The following CDH9 variants were observed in gnomAD, a reference collection of about 807,000 sequenced individuals.
The protein encoded by CDH9 is cadherin-9.
CDH9 carries 28 observed loss-of-function variants against 70.9 expected under a neutral mutation model. The observed-to-expected ratio is 0.40, with a 90% CI of 0.29 to 0.54. The LOEUF (loss-of-function observed/expected upper bound fraction) is 0.54. CDH9 is among the 20% of genes least tolerant of loss of function. The pLI is 0.59. For missense variants in CDH9, 874 were observed against 984.4 expected (o/e 0.89, Z 1.50); for synonymous variants, 409 against 343.1 (o/e 1.19, Z -2.12).
chr5:26,986,034 G>C (rs1015139402), intron 2 of CDH9, among the ~76,000 whole-genome samples: 3 of 151,444 alleles, frequency 2.0e-5, no homozygotes, highest in African/African-American at 7.3e-5. Context: ...CTAGCTATGT[G>C]GTAATGGAAT....
rs560715742 is a variant in CDH9 at position 26,920,430 on chromosome 5, C to G, written c.229-4506G>C. Among the ~76,000 whole-genome samples the G allele has an allele frequency of 3.3e-5, 5 of 151,998 alleles. No individual in the cohort carries two copies. The South Asian group carries it at 1.0e-3, about 32-fold the overall frequency. On this transcript the variant is annotated intron_variant, in intron 2 of 11. Coordinates refer to ENST00000231021, the MANE Select transcript of CDH9 (RefSeq NM_016279.4). ...TGGCATCTCTGGACCCACCTAGGAC[C>G]AGGGGAAACTCACTGCCCTGAAAGG...
intron 6 of CDH9, 75 bp downstream of exon 6, chr5:26,903,562 T>A (rs1234366437): frequency 2.1e-5 from 20 of 956,204 alleles, no homozygotes; most frequent in African/African-American, 1.3e-4. Flanking sequence ...AATCCCAGGC[T>A]TTTTTTCCCT....
At chr5:26,941,061 A>G (rs1228474171) in intron 2 of CDH9, among the ~76,000 whole-genome samples, 1 of 152,206 alleles carries the variant, frequency 6.6e-6, no homozygotes, top group East Asian at 1.9e-4. Context: ...TCTTCCACCA[A>G]CTCACATAAA....
chr5:26,934,769 A>G (rs1741529519), intron 2 of CDH9, among the ~76,000 whole-genome samples: 1 of 152,182 alleles, frequency 6.6e-6, no homozygotes, highest in Non-Finnish European at 1.5e-5. Context: ...ATATCCTTAA[A>G]AAAGTGAAAG....
Position 27,024,235 on chromosome 5 carries a change from C to A in CDH9, c.-50+14228G>T, listed in dbSNP as rs1167261567. 4.0e-5 allele frequency among the ~76,000 whole-genome samples: 6 copies of A among 151,732 alleles called. No individual in the cohort carries two copies. The East Asian group carries it at 1.2e-3, about 29-fold the overall frequency. ...ACTCTCATAAATAGAGATTTTTATTCTCTGTGCCCTTGGAAAGTATGACTG... is the reference window on the plus strand; with the variant it reads ...ACTCTCATAAATAGAGATTTTTATTATCTGTGCCCTTGGAAAGTATGACTG... On this transcript the variant is annotated intron_variant, in intron 1 of 11. Coordinates refer to ENST00000231021, the MANE Select transcript of CDH9 (RefSeq NM_016279.4).
chr5:26,892,823 C>T (rs1740683514), intron 7 of CDH9, among the ~76,000 whole-genome samples: 1 of 152,134 alleles, frequency 6.6e-6, no homozygotes, highest in Non-Finnish European at 1.5e-5. Flanking sequence ...CTCCGCCTTC[C>T]AGGTTTCCGC....
intron 2 of CDH9, among the ~76,000 whole-genome samples, chr5:26,923,411 C>T (rs556294754): frequency 6.6e-6 from 1 of 151,952 alleles, no homozygotes; most frequent in South Asian, 2.1e-4. Flanking sequence ...CTTAGCACAC[C>T]TATATATACA....
chr5:27,001,106 T>C (rs1742759729), intron 1 of CDH9, among the ~76,000 whole-genome samples: 1 of 152,106 alleles, frequency 6.6e-6, no homozygotes, highest in Admixed American at 6.6e-5. Flanking sequence ...TGAACCTTAA[T>C]GTATACAAAT....
intron 1 of CDH9, among the ~76,000 whole-genome samples, chr5:26,994,982 C>T (rs1325714246): frequency 1.3e-5 from 2 of 152,108 alleles, no homozygotes; most frequent in African/African-American, 4.8e-5. Context: ...TAGCTTACCC[C>T]GTTTTAGTCT....
Position 26,961,238 on chromosome 5 carries a change from ATACT to A in CDH9, c.228+26864_228+26867del, listed in dbSNP as rs201712802. 7.9e-3 allele frequency among the ~76,000 whole-genome samples: 1,199 copies of A among 152,296 alleles called. 13 individuals carry two copies. Among genetic ancestry groups the A allele is most frequent in the Non-Finnish European group, 0.014 (927 of 68,006 alleles). ...AAATCAAGCTAATGAACATATGCAC[ATACT>A]TACCATTTTTTGTGAAGAAAACACT... is the stretch of plus-strand genomic sequence containing the variant. On this transcript the variant is annotated intron_variant, in intron 2 of 11. Coordinates refer to ENST00000231021, the MANE Select transcript of CDH9 (RefSeq NM_016279.4).
intron 1 of CDH9, among the ~76,000 whole-genome samples, chr5:27,037,831 A>G (rs1743420340): frequency 6.6e-6 from 1 of 152,028 alleles, no homozygotes; most frequent in African/African-American, 2.4e-5. Context: ...GTATACATTC[A>G]GAGTGTCGAC....
chr5:27,038,214 A>C (rs2112143271), intron 1 of CDH9, among the ~76,000 whole-genome samples: 1 of 152,108 alleles, frequency 6.6e-6, no homozygotes, highest in South Asian at 2.1e-4. Context: ...GGACTATAAA[A>C]AGAGCTTGAG....
At chr5:26,972,775 G>C (rs1742241792) in intron 2 of CDH9, among the ~76,000 whole-genome samples, 1 of 152,130 alleles carries the variant, frequency 6.6e-6, no homozygotes, top group Admixed American at 6.5e-5. Context: ...TTTAGTTGCA[G>C]ATTGTGGGTA....
At chr5:26,979,571 T>C (rs1390456863) in intron 2 of CDH9, among the ~76,000 whole-genome samples, 3 of 151,858 alleles carry the variant, frequency 2.0e-5, no homozygotes. Flanking sequence ...TTTAAGCCAA[T>C]TAAATGCCAA....
At position 26,991,012 on chromosome 5, in the gene CDH9, C is replaced by T. The variant is rs1279550988; in HGVS notation, c.-49-2630G>A. Among the ~76,000 whole-genome samples, 7 of 152,176 alleles carry T rather than the reference C, an allele frequency of 4.6e-5. No individual in the cohort carries two copies. In the East Asian group the frequency reaches 1.3e-3, roughly 29 times the overall value. ...TTTATAAACTACAGTAAGAAATTCT[C>T]ATTCATTTTCAGTGCGATTGAAAGC... On this transcript the variant is annotated intron_variant, in intron 1 of 11. Coordinates refer to ENST00000231021, the MANE Select transcript of CDH9 (RefSeq NM_016279.4).
At chr5:26,968,559 T>C (rs898594256) in intron 2 of CDH9, among the ~76,000 whole-genome samples, 28 of 152,198 alleles carry the variant, frequency 1.8e-4, no homozygotes, top group African/African-American at 5.8e-4. Flanking sequence ...GTTCTGAGGG[T>C]ACATTTTTAA....
At chr5:26,931,123 T>C (rs1347497959) in intron 2 of CDH9, among the ~76,000 whole-genome samples, 2 of 152,144 alleles carry the variant, frequency 1.3e-5, no homozygotes, top group East Asian at 1.9e-4. Context: ...TCACTGTTTT[T>C]AGAAATTGGA....
At chr5:26,898,664 A>C (rs2111982836) in intron 7 of CDH9, among the ~76,000 whole-genome samples, 1 of 152,324 alleles carries the variant, frequency 6.6e-6, no homozygotes, top group South Asian at 2.1e-4. Flanking sequence ...TAATACAAAA[A>C]TTCACTCAAG....
At chr5:26,997,612 A>G (rs78466410) in intron 1 of CDH9, among the ~76,000 whole-genome samples, 276 of 152,332 alleles carry the variant, frequency 1.8e-3, no homozygotes, top group African/African-American at 6.4e-3. Context: ...AAAGCTGTCT[A>G]TGGTCCTGAC....
Sources: allele counts gnomAD v4.1 joint callset (sites outside exome capture counted in the v4.1 genomes callset), GRCh38; gene constraint gnomAD v4.1.1; transcripts MANE v1.5; gene names NCBI Gene and HGNC (gene_info 2026-07-23, HGNC 2026-07-21).